ARHGAP26: variants seen among roughly 807,000 people sequenced by gnomAD.
ARHGAP26 encodes the protein Rho GTPase activating protein 26, also known as rho GTPase-activating protein 26.
Under a neutral mutation model 104.8 loss-of-function variants are expected in ARHGAP26, and 38 were observed. The observed-to-expected ratio is 0.36, with a 90% CI of 0.28 to 0.48. ARHGAP26 has a LOEUF of 0.48. ARHGAP26 is among the 20% of genes least tolerant of loss of function. ARHGAP26 has a pLI of 0.99. For synonymous variants in ARHGAP26, 341 were observed against 340.0 expected (o/e 1.00, Z -0.03); for missense variants, 704 against 947.9 (o/e 0.74, Z 3.38).
chr5:142,901,063 A>C (rs1393208314), intron 6 of ARHGAP26, among the ~76,000 whole-genome samples: 2 of 152,198 alleles, frequency 1.3e-5, no homozygotes, highest in Non-Finnish European at 2.9e-5. Flanking sequence ...GGGGCCAGGA[A>C]AGCATAACAA....
chr5:142,919,376 A>C (rs966192141), intron 10 of ARHGAP26: 2 of 398,536 alleles, frequency 5.0e-6, no homozygotes, highest in Admixed American at 8.8e-5. Context: ...CACAGACCTC[A>C]GGAGGAACCC....
intron 20 of ARHGAP26, among the ~76,000 whole-genome samples, chr5:143,153,465 G>T (rs537116667): frequency 6.6e-6 from 1 of 152,306 alleles, no homozygotes; most frequent in East Asian, 1.9e-4. Flanking sequence ...GACCAGTGGG[G>T]CATCATGCCA....
chr5:143,142,219 A>G (rs548799165), intron 19 of ARHGAP26, among the ~76,000 whole-genome samples: 28 of 141,906 alleles, frequency 2.0e-4, no homozygotes, highest in African/African-American at 7.6e-4. Context: ...GCTCACTGCA[A>G]CCTTCGCCTC....
chr5:143,090,625 A>G lies in ARHGAP26; in HGVS notation c.1539-30363A>G, dbSNP rs1023237144. On this transcript the variant is annotated intron_variant, in intron 17 of 22. Coordinates refer to ENST00000645722, the MANE Select transcript of ARHGAP26 (RefSeq NM_001135608.3). ...ATAGAAGAAGGGAACTGGCTTAGAAAAGGGGGAGAACTTGAGGGTTTGAGA... is the reference window on the plus strand; with the variant it reads ...ATAGAAGAAGGGAACTGGCTTAGAAGAGGGGGAGAACTTGAGGGTTTGAGA... Among the ~76,000 whole-genome samples the G allele has an allele frequency of 2.0e-5, 3 of 152,298 alleles. No individual in the cohort carries two copies. The South Asian group carries it at 6.2e-4, about 32-fold the overall frequency.
chr5:142,850,929 G>C (rs527951986), intron 1 of ARHGAP26, among the ~76,000 whole-genome samples: 2 of 152,260 alleles, frequency 1.3e-5, no homozygotes, highest in Admixed American at 6.5e-5. Flanking sequence ...TTAGAGTGGT[G>C]GATAAGCTCG....
chr5:143,078,523 C>A (rs1306820653), intron 17 of ARHGAP26, among the ~76,000 whole-genome samples: 3 of 151,918 alleles, frequency 2.0e-5, no homozygotes, highest in Non-Finnish European at 4.4e-5. Flanking sequence ...CCATCTCAGA[C>A]TACATCTGGA....
At chr5:143,168,548 T>C (rs939981404) in intron 20 of ARHGAP26, 1 of 143,700 alleles carries the variant, frequency 7.0e-6, no homozygotes, top group Admixed American at 7.2e-5. Context: ...ACATTCTGCA[T>C]CATCCTCTTT....
intron 11 of ARHGAP26, among the ~76,000 whole-genome samples, chr5:142,998,862 C>A (rs1055167802): frequency 2.0e-5 from 3 of 152,230 alleles, no homozygotes; most frequent in Non-Finnish European, 4.4e-5. Flanking sequence ...GCTTTCCAAC[C>A]TGCTGTCCCT....
At chr5:143,149,843 C>T (rs1458151250) in intron 20 of ARHGAP26, among the ~76,000 whole-genome samples, 2 of 152,140 alleles carry the variant, frequency 1.3e-5, no homozygotes, top group Non-Finnish European at 2.9e-5. Flanking sequence ...AACCAGTCAC[C>T]AGGAAGCTAT....
chr5:142,961,025 C>T (rs1027492393), intron 11 of ARHGAP26, among the ~76,000 whole-genome samples: 1 of 152,178 alleles, frequency 6.6e-6, no homozygotes, highest in African/African-American at 2.4e-5. Context: ...AAGCTTCTAT[C>T]AAATCACCTG....
At chr5:143,135,900 C>T (rs941784268) in intron 19 of ARHGAP26, among the ~76,000 whole-genome samples, 3 of 152,198 alleles carry the variant, frequency 2.0e-5, no homozygotes, top group Non-Finnish European at 2.9e-5. Context: ...GTGGTCTGCA[C>T]GTGGCCTGGG....
At chr5:143,135,657 A>G (rs1017510462) in intron 19 of ARHGAP26, among the ~76,000 whole-genome samples, 17 of 152,250 alleles carry the variant, frequency 1.1e-4, no homozygotes, top group Admixed American at 9.2e-4. Context: ...TGGTATATTT[A>G]GCATCATTCG....
At chr5:142,881,079 G>A (rs1483248883) in intron 4 of ARHGAP26, among the ~76,000 whole-genome samples, 3 of 152,230 alleles carry the variant, frequency 2.0e-5, no homozygotes, top group African/African-American at 4.8e-5. Context: ...TTAATAAGCC[G>A]TGAGCGAATG....
chr5:142,989,954 G>A (rs905939810), intron 11 of ARHGAP26, among the ~76,000 whole-genome samples: 1 of 152,118 alleles, frequency 6.6e-6, no homozygotes, highest in East Asian at 1.9e-4. Flanking sequence ...TTCTCGAGCA[G>A]TATCTTTGTG....
chr5:143,121,263 C>G (rs10045199), intron 18 of ARHGAP26, 116 bp downstream of exon 18: 2 of 1,071,576 alleles, frequency 1.9e-6, no homozygotes, highest in African/African-American at 1.6e-5. Context: ...ACTGTCATGA[C>G]GATGAAGTTG....
chr5:143,097,043 T>C (rs1388224838), intron 17 of ARHGAP26, among the ~76,000 whole-genome samples: 1 of 151,994 alleles, frequency 6.6e-6, no homozygotes, highest in African/African-American at 2.4e-5. Context: ...CTCCATTTTC[T>C]GGACTCAAAT....
chr5:142,787,019 T>C lies in ARHGAP26; in HGVS notation c.154+16104T>C, dbSNP rs1222772460. ...AGACATTCTGGTTCTAGAGAACTCT[T>C]AGTCGGACTGTGAGTGGTCTCATCT... On this transcript the variant is annotated intron_variant, in intron 1 of 22. Coordinates refer to ENST00000645722, the MANE Select transcript of ARHGAP26 (RefSeq NM_001135608.3). Among the ~76,000 whole-genome samples the C allele has an allele frequency of 4.6e-5, 7 of 152,200 alleles. No homozygotes were observed. The East Asian group carries it at 1.3e-3, about 29-fold the overall frequency.
intron 1 of ARHGAP26, among the ~76,000 whole-genome samples, chr5:142,790,860 G>A (rs886373890): frequency 6.6e-6 from 1 of 152,152 alleles, no homozygotes; most frequent in Admixed American, 6.5e-5. Flanking sequence ...GTCTCAGGTA[G>A]CTGTCCCATC....
At chr5:142,907,907 T>TGAAA in intron 9 of ARHGAP26, 103 bp downstream of exon 9, 1 of 673,418 alleles carries the variant, frequency 1.5e-6, no homozygotes, top group Non-Finnish European at 2.2e-6. Context: ...TTATGTTTCA[T>TGAAA]CATAAATTTA....
Sources: gnomAD v4.1 joint callset for allele counts (sites outside exome capture counted in the v4.1 genomes callset) on GRCh38, gnomAD v4.1.1 for gene constraint, MANE v1.5 for transcripts, NCBI Gene and HGNC (gene_info 2026-07-23, HGNC 2026-07-21) for gene names.